The following MSH6 variants were observed in gnomAD, a reference collection of about 807,000 sequenced individuals.
The protein encoded by MSH6 is DNA mismatch repair protein Msh6.
In MSH6, 85 loss-of-function variants were observed where a neutral mutation model predicts 119.1. That is an observed-to-expected ratio of 0.71 (90% CI 0.60 to 0.85). The LOEUF is 0.85. Among genes scored for constraint, MSH6 ranks in the 40% least tolerant of loss-of-function variants. The pLI is 0.00. For synonymous variants in MSH6, 830 were observed against 586.9 expected, an observed-to-expected ratio of 1.41 and a Z score of -5.99; for missense variants, 2,163 against 1,655.3, an observed-to-expected ratio of 1.31 and a Z score of -5.32.
At chr2:47,807,983 T>TGTC (rs1670342986), downstream of MSH6, 2 of 772,496 alleles carry the variant, frequency 2.6e-6, no homozygotes, top group Non-Finnish European at 4.2e-6. Context: ...AGCTTCATAG[T>TGTC]GTCAACTGAC....
At chr2:47,793,603 T>C in intron 2 of MSH6, among the ~76,000 whole-genome samples, 1 of 150,832 alleles carries the variant, frequency 6.6e-6, no homozygotes, top group East Asian at 2.0e-4. Context: ...TGAGACTTCA[T>C]CTCAAAAATA....
downstream of MSH6, chr2:47,808,006 T>C (rs1670344536): frequency 5.0e-6 from 5 of 997,238 alleles, no homozygotes. Context: ...TGTGTATCCA[T>C]TTTTAATACA....
chr2:47,788,554 TTTTC>T (rs1441582336), intron 1 of MSH6, among the ~76,000 whole-genome samples: 10 of 142,948 alleles, frequency 7.0e-5, no homozygotes, highest in Admixed American at 3.5e-4. Context: ...TGCCCAGCCT[TTTTC>T]TTTTTCTTTT....
chr2:47,783,188 T>C lies in MSH6; in HGVS notation c.-46T>C, dbSNP rs748339592. ...AGCCGCGCGGTAGATGCGGTGCTTT[T>C]AGGAGCTCCGTCCGACAGAACGGTT... On this transcript the variant is annotated 5_prime_UTR_variant, in exon 1 of 10. It removes the in-frame stop codon of an upstream open reading frame in the 5' UTR. Coordinates refer to ENST00000234420, the MANE Select transcript of MSH6 (RefSeq NM_000179.3). The C allele has an allele frequency of 6.2e-7, 1 of 1,607,792 alleles. No homozygotes were observed. Among genetic ancestry groups the C allele is most frequent in the Non-Finnish European group, 8.5e-7 (1 of 1,178,146 alleles).
Position 47,806,223 on chromosome 2 carries a change from T to C in MSH6, c.3666T>C (p.Phe1222=), listed in dbSNP as rs1572744475. 3 of 1,614,120 alleles carry C rather than the reference T, an allele frequency of 1.9e-6. No individual in the cohort carries two copies. Among genetic ancestry groups the C allele is most frequent in the Non-Finnish European group, 1.7e-6 (2 of 1,179,988 alleles). ...TAACAGGAAGAGGTACTGCAACATT[T>C]GATGGGACGGCAATAGCAAATGCAG... The part of the protein sequence containing the change: ...VDELGRGTAT[F]DGTAIANAVV... Residue 1222 remains phenylalanine, a synonymous_variant, in exon 8 of 10, where the codon TTT becomes TTC. Coordinates refer to ENST00000234420, the MANE Select transcript of MSH6 (RefSeq NM_000179.3).
At chr2:47,796,430 T>TG (rs1477978426) in intron 3 of MSH6, among the ~76,000 whole-genome samples, 1 of 152,156 alleles carries the variant, frequency 6.6e-6, no homozygotes, top group African/African-American at 2.4e-5. Context: ...AAAACTGAGA[T>TG]GGGGTCTTGC....
intron 5 of MSH6, among the ~76,000 whole-genome samples, chr2:47,804,342 A>G (rs1669814888): frequency 6.6e-6 from 1 of 152,190 alleles, no homozygotes; most frequent in Admixed American, 6.5e-5. Flanking sequence ...TTGACCAGCC[A>G]CAGAACTTGT....
At position 47,806,707 on chromosome 2, in the gene MSH6, C is replaced by CAGTAAAAGGGGAAGGGATGA. The variant is rs1670176112; in HGVS notation, c.4001+57_4002-52dup. The stretch of plus-strand genomic sequence containing the variant: ...TAACTGACCTTAAGTTTCAAAGAAA[C>CAGTAAAAGGGGAAGGGATGA]AGTAAAAGGGGAAGGGATGATGCAC... On this transcript the variant is annotated intron_variant, in intron 9 of 9. Coordinates refer to ENST00000234420, the MANE Select transcript of MSH6 (RefSeq NM_000179.3). The CAGTAAAAGGGGAAGGGATGA allele has an allele frequency of 3.2e-6, 5 of 1,557,440 alleles. No homozygotes were observed. The Admixed American group carries it at 8.5e-5, about 27-fold the overall frequency.
At position 47,800,889 on chromosome 2, in the gene MSH6, A is replaced by G. The variant is rs63749919; in HGVS notation, c.2906A>G (p.Tyr969Cys). Residue 969 changes from tyrosine to cysteine, a missense_variant, in exon 4 of 10, where the codon TAT becomes TGT. Coordinates refer to ENST00000234420, the MANE Select transcript of MSH6 (RefSeq NM_000179.3). ...AGAATTGGCTGTAGGACCATAGTCT[A>G]TTGGGGGATTGGTAGGAACCGTTAC... ...RNRIGCRTIVYWGIGRNRYQL... is the reference protein window; with the variant it reads ...RNRIGCRTIVCWGIGRNRYQL... The G allele has an allele frequency of 6.2e-6, 10 of 1,604,754 alleles. No individual in the cohort carries two copies. Among genetic ancestry groups the G allele is most frequent in the East Asian group, 4.5e-5 (2 of 44,808 alleles).
At chr2:47,809,905 T>C, downstream of MSH6, 2 of 542,996 alleles carry the variant, frequency 3.7e-6, no homozygotes, top group Admixed American at 3.6e-5. Context: ...AAAACTGCAA[T>C]TAACTTTCGC....
chr2:47,786,150 C>G (rs1394450814), intron 1 of MSH6, among the ~76,000 whole-genome samples: 2 of 152,068 alleles, frequency 1.3e-5, no homozygotes, highest in African/African-American at 4.8e-5. Context: ...TAAGCTTAGA[C>G]AGATTATAGT....
At position 47,799,532 on chromosome 2, in the gene MSH6, A is replaced by T; in HGVS notation, c.1549A>T (p.Ile517Phe). Reference protein sequence around the residue: ...RVVRREICRIITKGTQTYSVL... With the variant: ...RVVRREICRIFTKGTQTYSVL... Reference sequence around the variant, plus strand: ...GGTGAGGAGGGAGATCTGTAGGATCATTACCAAGGGTACACAGACTTACAG... The same window carrying T: ...GGTGAGGAGGGAGATCTGTAGGATCTTTACCAAGGGTACACAGACTTACAG... Residue 517 changes from isoleucine to phenylalanine, a missense_variant, in exon 4 of 10, where the codon ATT becomes TTT. By Grantham distance (21) the Ile-to-Phe change is conservative (BLOSUM62 0). Coordinates refer to ENST00000234420, the MANE Select transcript of MSH6 (RefSeq NM_000179.3). 6.2e-7 allele frequency: 1 copy of T among 1,614,190 alleles called. No individual in the cohort carries two copies. The highest frequency in any genetic ancestry group is 8.5e-7 in the Non-Finnish European group (1 of 1,180,010).
At chr2:47,783,734 G>C in intron 1 of MSH6, 1 of 491,940 alleles carries the variant, frequency 2.0e-6, no homozygotes, top group South Asian at 6.9e-5. Context: ...CAGGGGAGAC[G>C]CGGAGAGTTC....
Position 47,799,836 on chromosome 2 carries a change from A to C in MSH6, c.1853A>C (p.Gln618Pro), listed in dbSNP as rs747576518. 1 of 1,614,226 alleles carries C rather than the reference A, an allele frequency of 6.2e-7. No individual in the cohort carries two copies. The stretch of plus-strand genomic sequence containing the variant: ...AAGAGTTCATTGTCCTGTTCTCTTC[A>C]GGAAGGTCTGATACCCGGCTCCCAG... Reference protein sequence around the residue: ...ILKSSLSCSLQEGLIPGSQFW... With the variant: ...ILKSSLSCSLPEGLIPGSQFW... The change falls in exon 4 of 10, where the codon CAG becomes CCG. Residue 618 changes from glutamine (Q) to proline (P), a missense_variant. By Grantham distance (76) the Gln-to-Pro change is moderately conservative. Transcript: ENST00000234420.
At chr2:47,802,936 CAG>C (rs1190430596) in intron 4 of MSH6, among the ~76,000 whole-genome samples, 3 of 152,162 alleles carry the variant, frequency 2.0e-5, no homozygotes, top group Admixed American at 6.5e-5. Flanking sequence ...TTTTTTGAGA[CAG>C]AGTCTCTCTG....
chr2:47,805,241 C>T (rs994420939), intron 6 of MSH6, among the ~76,000 whole-genome samples: 9 of 151,196 alleles, frequency 6.0e-5, no homozygotes, highest in Non-Finnish European at 1.2e-4. Flanking sequence ...AGTGCAATGG[C>T]ACGATCTTGG....
Position 47,791,025 on chromosome 2 carries a change from T to C in MSH6, c.359T>C (p.Ile120Thr), listed in dbSNP as rs775971872. The change falls in exon 2 of 10, where the codon ATC becomes ACC. Residue 120 changes from isoleucine to threonine, a missense_variant. Transcript: ENST00000234420. ...VYNHPFDGTF[I>T]REKGKSVRVH... ...AACCACCCCTTTGATGGAACATTCA[T>C]CCGCGAGAAAGGGAAATCAGTCCGT... The C allele has an allele frequency of 8.7e-6, 14 of 1,614,114 alleles. No homozygotes were observed. In the Admixed American group the frequency reaches 1.2e-4, roughly 13 times the overall value.
At position 47,800,075 on chromosome 2, in the gene MSH6, C is replaced by G. The variant is rs63750832; in HGVS notation, c.2092C>G (p.Gln698Glu). 47 of 1,614,004 alleles carry G rather than the reference C, an allele frequency of 2.9e-5. No homozygotes were observed. Among genetic ancestry groups the G allele is most frequent in the Middle Eastern group, 1.6e-4 (1 of 6,084 alleles). ...VFYLKKCLID[Q>E]ELLSMANFEE... ...CTACCTCAAAAAATGCCTTATTGAT[C>G]AGGAGCTTTTATCAATGGCTAATTT... Residue 698 changes from glutamine (Q) to glutamate (E), a missense_variant, in exon 4 of 10, where the codon CAG becomes GAG. Transcript: ENST00000234420.
rs542848931 is a variant in MSH6, at chr2:47,798,702, G to T, written c.719G>T (p.Arg240Leu). Reference protein sequence around the residue: ...EVQPKTQGSRRSSRQIKKRRV... With the variant: ...EVQPKTQGSRLSSRQIKKRRV... ...CAGCCTAAGACACAAGGATCTAGGC[G>T]AAGTAGCCGCCAAATAAAAAAACGA... Residue 240 changes from arginine (R) to leucine (L), a missense_variant, in exon 4 of 10, where the codon CGA (arginine) becomes CTA (leucine). Transcript: ENST00000234420. 6.2e-7 allele frequency: 1 copy of T among 1,614,088 alleles called. No individual in the cohort carries two copies. Among genetic ancestry groups the T allele is most frequent in the South Asian group, 1.1e-5 (1 of 91,084 alleles).
Sources: allele counts gnomAD v4.1 joint callset (sites outside exome capture counted in the v4.1 genomes callset), GRCh38; gene constraint gnomAD v4.1.1; transcripts MANE v1.5; gene names NCBI Gene and HGNC (gene_info 2026-07-23, HGNC 2026-07-21).